The following NYAP2 variants were observed in gnomAD, a reference collection of about 807,000 sequenced individuals.
NYAP2 encodes the protein neuronal tyrosine-phosphorylated phosphoinositide-3-kinase adaptor 2, also known as neuronal tyrosine-phosphorylated phosphoinositide-3-kinase adapter 2.
A neutral mutation model predicts 50.4 loss-of-function variants in NYAP2; 23 were observed. That is an observed-to-expected ratio of 0.46 (90% CI 0.33 to 0.65). NYAP2 has a LOEUF of 0.65. Ranked by LOEUF, NYAP2 falls within the 30% of genes least tolerant of loss-of-function variation. NYAP2 has a pLI of 0.02. For missense variants in NYAP2, 885 were observed against 861.0 expected (o/e 1.03, Z -0.35); for synonymous variants, 394 against 365.2 (o/e 1.08, Z -0.90).
At chr2:225,534,326 A>G (rs139845887) in intron 4 of NYAP2, among the ~76,000 whole-genome samples, 1 of 152,338 alleles carries the variant, frequency 6.6e-6, no homozygotes, top group East Asian at 1.9e-4. Flanking sequence ...GCAGGGGCCA[A>G]TGTAGGCATT....
At chr2:225,643,281 G>A (rs887940661) in intron 6 of NYAP2, among the ~76,000 whole-genome samples, 1 of 151,884 alleles carries the variant, frequency 6.6e-6, no homozygotes, top group Non-Finnish European at 1.5e-5. Context: ...TTTCCTAACT[G>A]GTGGTTCCCA....
chr2:225,496,606 C>A (rs1187111319), intron 3 of NYAP2, among the ~76,000 whole-genome samples: 1 of 152,114 alleles, frequency 6.6e-6, no homozygotes, highest in African/African-American at 2.4e-5. Context: ...CCACAGAAAA[C>A]CTTTGCCAAA....
chr2:225,499,841 G>T (rs900415796), intron 3 of NYAP2, among the ~76,000 whole-genome samples: 5 of 152,034 alleles, frequency 3.3e-5, no homozygotes, highest in African/African-American at 1.2e-4. Context: ...TGAGAGACAA[G>T]AAAAAATAGC....
intron 5 of NYAP2, among the ~76,000 whole-genome samples, chr2:225,603,417 T>C (rs1027006628): frequency 5.9e-5 from 9 of 152,164 alleles, no homozygotes; most frequent in African/African-American, 2.2e-4. Context: ...AACAAAGTTG[T>C]AGGTAGTAAA....
intron 3 of NYAP2, among the ~76,000 whole-genome samples, chr2:225,411,482 A>C (rs1035275451): frequency 2.6e-5 from 4 of 152,116 alleles, no homozygotes; most frequent in African/African-American, 7.2e-5. Flanking sequence ...AGTGGAGATG[A>C]TGGAAAGGCA....
At chr2:225,617,979 A>G (rs931512383) in intron 5 of NYAP2, among the ~76,000 whole-genome samples, 1 of 152,234 alleles carries the variant, frequency 6.6e-6, no homozygotes, top group African/African-American at 2.4e-5. Context: ...TCTTTAGTCT[A>G]AAGCTTGTGA....
intron 5 of NYAP2, among the ~76,000 whole-genome samples, chr2:225,599,583 G>C (rs1692662478): frequency 6.6e-6 from 1 of 152,208 alleles, no homozygotes; most frequent in Non-Finnish European, 1.5e-5. Context: ...TTCATGGCTT[G>C]TGCCAATGTG....
chr2:225,693,217 C>T, the NYAP2 span, among the ~76,000 whole-genome samples: 30,126 of 151,944 alleles, frequency 0.2, 3,318 homozygotes, highest in African/African-American at 0.3. Context: ...TTACCCTTCT[C>T]TAGGATGTGA....
At chr2:225,506,179 T>A (rs1004502589) in intron 3 of NYAP2, among the ~76,000 whole-genome samples, 9 of 152,294 alleles carry the variant, frequency 5.9e-5, no homozygotes, top group East Asian at 1.9e-4. Flanking sequence ...TTAGGCTATC[T>A]CCAAAGTGGA....
At chr2:225,696,431 A>G in the NYAP2 span, among the ~76,000 whole-genome samples, 2 of 152,082 alleles carry the variant, frequency 1.3e-5, no homozygotes, top group East Asian at 1.9e-4. Flanking sequence ...ATTGACCTTC[A>G]TTATCCTATT....
intron 4 of NYAP2, among the ~76,000 whole-genome samples, chr2:225,577,815 T>C (rs947620328): frequency 6.6e-6 from 1 of 151,814 alleles, no homozygotes; most frequent in Non-Finnish European, 1.5e-5. Context: ...GATTTTTTTT[T>C]TTTTTTAAAA....
At chr2:225,578,621 C>A (rs902383031) in intron 4 of NYAP2, among the ~76,000 whole-genome samples, 2 of 152,072 alleles carry the variant, frequency 1.3e-5, no homozygotes, top group Non-Finnish European at 2.9e-5. Flanking sequence ...ATAAGCATCG[C>A]CAGATGTAGC....
chr2:225,487,485 G>A (rs1690322722), intron 3 of NYAP2, among the ~76,000 whole-genome samples: 1 of 151,814 alleles, frequency 6.6e-6, no homozygotes, highest in Non-Finnish European at 1.5e-5. Context: ...TCAGCCTTGC[G>A]AGTAACTTGG....
chr2:225,448,756 T>C (rs369592466), intron 3 of NYAP2, among the ~76,000 whole-genome samples: 140 of 152,354 alleles, frequency 9.2e-4, no homozygotes, highest in Non-Finnish European at 1.6e-3. Context: ...CAAGCCATTG[T>C]CTTTGTCATG....
the NYAP2 span, among the ~76,000 whole-genome samples, chr2:225,669,930 G>A: frequency 6.6e-6 from 1 of 152,152 alleles, no homozygotes; most frequent in Non-Finnish European, 1.5e-5. Context: ...CCTCCAAGGA[G>A]AGTCGGGTTG....
chr2:225,473,611 T>C (rs1415352806), intron 3 of NYAP2, among the ~76,000 whole-genome samples: 1 of 152,248 alleles, frequency 6.6e-6, no homozygotes, highest in Non-Finnish European at 1.5e-5. Flanking sequence ...TGTCTTCTTT[T>C]GAGAAGTGTC....
intron 5 of NYAP2, among the ~76,000 whole-genome samples, chr2:225,602,771 A>G (rs542438013): frequency 1.3e-5 from 2 of 152,224 alleles, no homozygotes; most frequent in East Asian, 3.9e-4. Context: ...GACCATATAT[A>G]TAGAAGTTTA....
At chr2:225,519,525 G>T (rs1020481213) in intron 4 of NYAP2, among the ~76,000 whole-genome samples, 1 of 149,020 alleles carries the variant, frequency 6.7e-6, no homozygotes, top group Non-Finnish European at 1.5e-5. Context: ...TGCAGTGTTT[G>T]GTTTTTTGTT....
chr2:225,489,730 G>A (rs1690371465), intron 3 of NYAP2, among the ~76,000 whole-genome samples: 1 of 152,180 alleles, frequency 6.6e-6, no homozygotes, highest in Admixed American at 6.5e-5. Context: ...GAAAACGGGG[G>A]TTGAACTCAC....
Sources: gnomAD v4.1 joint callset for allele counts (sites outside exome capture counted in the v4.1 genomes callset) on GRCh38, gnomAD v4.1.1 for gene constraint, MANE v1.5 for transcripts, NCBI Gene and HGNC (gene_info 2026-07-23, HGNC 2026-07-21) for gene names.